Variants in ITGA9 observed in about 807,000 individuals in gnomAD.
ITGA9 encodes the protein integrin subunit alpha 9, also known as integrin alpha-9.
A neutral mutation model predicts 127.8 loss-of-function variants in ITGA9; 56 were observed. The ratio of observed to expected loss-of-function variants is 0.44; its 90% CI spans 0.35 to 0.55. ITGA9 has a LOEUF of 0.55. Ranked by LOEUF, ITGA9 falls within the 20% of genes least tolerant of loss-of-function variation. The pLI, the probability that ITGA9 is intolerant of heterozygous loss-of-function variation, is 0.00. For missense variants in ITGA9, 1,196 were observed against 1,347.1 expected, an observed-to-expected ratio of 0.89 and a Z score of 1.76; for synonymous variants, 508 against 514.5, an observed-to-expected ratio of 0.99 and a Z score of 0.17.
chr3:37,528,502 G>A (rs1249488962), intron 13 of ITGA9, among the ~76,000 whole-genome samples: 1 of 152,202 alleles, frequency 6.6e-6, no homozygotes, highest in Non-Finnish European at 1.5e-5. Context: ...CTGTAGAGTA[G>A]CATGCAAGGA....
chr3:37,538,902 G>T (rs1699239392), intron 14 of ITGA9, among the ~76,000 whole-genome samples: 1 of 152,240 alleles, frequency 6.6e-6, no homozygotes, highest in Admixed American at 6.5e-5. Context: ...GAGATGAAAT[G>T]CTTCCAGAAT....
rs1697209629 is a variant in ITGA9, at chr3:37,799,345, A to C, written c.2890-4478A>C. On this transcript the variant is annotated intron_variant, in intron 26 of 27. Coordinates refer to ENST00000264741, the MANE Select transcript of ITGA9 (RefSeq NM_002207.3). This position sits in a 1 kb window ranked among gnomAD's most constrained non-coding sequence, Gnocchi z 4.0. The stretch of plus-strand genomic sequence containing the variant: ...AGACATACACCATCACACCTGGCTG[A>C]TTTTTGTATTTTTAGTAGACACGAG... 6.6e-6 allele frequency among the ~76,000 whole-genome samples: 1 copy of C among 151,990 alleles called. No individual in the cohort carries two copies. Among genetic ancestry groups the C allele is most frequent in the South Asian group, 2.1e-4 (1 of 4,812 alleles).
At chr3:37,462,820 G>A (rs1045750684) in intron 1 of ITGA9, among the ~76,000 whole-genome samples, 25 of 152,212 alleles carry the variant, frequency 1.6e-4, no homozygotes, top group African/African-American at 6.0e-4. Flanking sequence ...ACTTTCATCT[G>A]CCTTTTCCTT....
At chr3:37,507,979 A>G (rs935516629) in intron 7 of ITGA9, among the ~76,000 whole-genome samples, 2 of 152,274 alleles carry the variant, frequency 1.3e-5, no homozygotes, top group South Asian at 2.1e-4. Flanking sequence ...AACATGCTAA[A>G]GGCTCTAAAA....
intron 26 of ITGA9, chr3:37,790,255 A>G (rs1697092109): frequency 1.8e-6 from 1 of 548,392 alleles, no homozygotes; most frequent in African/African-American, 1.9e-5. Context: ...ATCTTTTAGA[A>G]ATGGCAGCAG....
chr3:37,779,413 C>T (rs1168338967), intron 24 of ITGA9, among the ~76,000 whole-genome samples: 1 of 152,058 alleles, frequency 6.6e-6, no homozygotes, highest in Admixed American at 6.5e-5. Context: ...CCGAGATTTA[C>T]GTCTCTATTG....
At chr3:37,797,165 AAATAAT>A (rs928994885) in intron 26 of ITGA9, among the ~76,000 whole-genome samples, 2 of 151,922 alleles carry the variant, frequency 1.3e-5, no homozygotes, top group Non-Finnish European at 2.9e-5. Flanking sequence ...CTATCTCTAC[AAATAAT>A]AATAATAATA....
intron 3 of ITGA9, among the ~76,000 whole-genome samples, chr3:37,477,854 G>T (rs918588030): frequency 6.6e-6 from 1 of 151,846 alleles, no homozygotes; most frequent in Non-Finnish European, 1.5e-5. Flanking sequence ...GGTTCTCTTT[G>T]TCATTTCCTT....
At chr3:37,791,153 A>G (rs1470805651) in intron 26 of ITGA9, among the ~76,000 whole-genome samples, 1 of 152,214 alleles carries the variant, frequency 6.6e-6, no homozygotes, top group Non-Finnish European at 1.5e-5. Flanking sequence ...CCCTGAAGCC[A>G]GAAACTCCCC....
At chr3:37,463,534 A>G (rs1401614187) in intron 1 of ITGA9, among the ~76,000 whole-genome samples, 1 of 152,200 alleles carries the variant, frequency 6.6e-6, no homozygotes, top group African/African-American at 2.4e-5. Context: ...GTAGGGTACC[A>G]ACAGAACAAT....
At chr3:37,624,200 C>T (rs1447758663) in intron 15 of ITGA9, among the ~76,000 whole-genome samples, 3 of 85,766 alleles carry the variant, frequency 3.5e-5, no homozygotes, top group African/African-American at 5.0e-5. Context: ...AAAAAAAACC[C>T]TTTTTTTTTT....
Position 37,484,947 on chromosome 3 carries a change from G to A in ITGA9, c.544+3340G>A, listed in dbSNP as rs1698594149. On this transcript the variant is annotated intron_variant, in intron 4 of 27. Transcript: ENST00000264741. ...CATACTGTATTCTGAGCAAGTGTTT[G>A]TTAATCATCATAGGGTGACTGACTT... Among the ~76,000 whole-genome samples the A allele has an allele frequency of 2.6e-5, 4 of 152,162 alleles. No homozygotes were observed. In the South Asian group the frequency reaches 8.3e-4, roughly 32 times the overall value.
intron 26 of ITGA9, among the ~76,000 whole-genome samples, chr3:37,800,941 A>G (rs1358557768): frequency 6.6e-6 from 1 of 152,000 alleles, no homozygotes; most frequent in African/African-American, 2.4e-5. Flanking sequence ...ACCTGAGGCC[A>G]GGAGTTCGAG....
intron 15 of ITGA9, among the ~76,000 whole-genome samples, chr3:37,550,216 T>C (rs1224918840): frequency 1.3e-5 from 2 of 152,174 alleles, no homozygotes; most frequent in Admixed American, 6.5e-5. Context: ...CCCTCATAAA[T>C]ACAAGCTAGA....
intron 21 of ITGA9, among the ~76,000 whole-genome samples, chr3:37,742,361 G>C (rs889441461): frequency 3.9e-5 from 6 of 152,172 alleles, no homozygotes. Flanking sequence ...GGAATGGGCA[G>C]GGAACCATCC....
At chr3:37,631,510 C>G (rs1700229769) in intron 16 of ITGA9, among the ~76,000 whole-genome samples, 1 of 152,154 alleles carries the variant, frequency 6.6e-6, no homozygotes, top group African/African-American at 2.4e-5. Context: ...TACCCCATTG[C>G]AATGATTATA....
intron 27 of ITGA9, 64 bp downstream of exon 27, chr3:37,804,006 T>C: frequency 6.2e-7 from 1 of 1,611,522 alleles, no homozygotes; most frequent in South Asian, 1.1e-5. Flanking sequence ...TCTCCTGCCT[T>C]TCCAGGGAAG....
Position 37,653,684 on chromosome 3 carries a change from C to T in ITGA9, c.1840-30C>T, listed in dbSNP as rs769942266. On this transcript the variant is annotated intron_variant, in intron 16 of 27. Coordinates refer to ENST00000264741, the MANE Select transcript of ITGA9 (RefSeq NM_002207.3). ...GTACTCGTTTGCCACTCAATCCTGCCCTAACCTTCCTCTCCTGTCTTTCTC... is the reference window on the plus strand; with the variant it reads ...GTACTCGTTTGCCACTCAATCCTGCTCTAACCTTCCTCTCCTGTCTTTCTC... 12 of 1,551,796 alleles carry T rather than the reference C, an allele frequency of 7.7e-6. No individual in the cohort carries two copies. The Admixed American group carries it at 1.0e-4, about 13-fold the overall frequency.
chr3:37,688,776 G>A (rs914637637), intron 18 of ITGA9, among the ~76,000 whole-genome samples: 1 of 152,180 alleles, frequency 6.6e-6, no homozygotes, highest in African/African-American at 2.4e-5. Flanking sequence ...CTCCTCACCT[G>A]GCTGCACAGG....
Sources: gnomAD v4.1 joint callset for allele counts (sites outside exome capture counted in the v4.1 genomes callset) on GRCh38, gnomAD v4.1.1 for gene constraint, Gnocchi (gnomAD v3.1) non-coding constraint, MANE v1.5 for transcripts, NCBI Gene and HGNC (gene_info 2026-07-23, HGNC 2026-07-21) for gene names.